The following FNTB variants were observed in gnomAD, a reference collection of about 807,000 sequenced individuals.
The protein encoded by FNTB is protein farnesyltransferase subunit beta.
A neutral mutation model predicts 59.4 loss-of-function variants in FNTB; 27 were observed. That is an observed-to-expected ratio of 0.45 (90% CI 0.34 to 0.63). The LOEUF (loss-of-function observed/expected upper bound fraction) is 0.63, where lower values mean the gene tolerates loss of function less well. FNTB is among the 20% of genes least tolerant of loss of function. The pLI is 0.02. For missense variants in FNTB, 449 were observed against 559.6 expected (o/e 0.80, Z 1.99); for synonymous variants, 230 against 220.7 (o/e 1.04, Z -0.37).
chr14:65,019,066 A>G (rs1353040573), intron 4 of FNTB, among the ~76,000 whole-genome samples: 2 of 152,012 alleles, frequency 1.3e-5, no homozygotes. Context: ...GCTCCTACTC[A>G]GGAGGCTGAG....
intron 4 of FNTB, among the ~76,000 whole-genome samples, chr14:65,017,301 TA>T (rs1266876772): frequency 1.3e-5 from 2 of 152,190 alleles, no homozygotes. Flanking sequence ...ACAATCAGGA[TA>T]TTTGGAAAGT....
Position 64,986,917 on chromosome 14 carries a change from A to T in FNTB, c.-37A>T, listed in dbSNP as rs759307173. The T allele has an allele frequency of 1.9e-6, 3 of 1,613,162 alleles. No homozygotes were observed. The Admixed American group carries it at 5.0e-5, about 27-fold the overall frequency. ...TTCAATGCGCGTTGTTGCTTAACGA[A>T]GCAGAGTCCTACACACTGTCTGCTG... On this transcript the variant is annotated 5_prime_UTR_variant, in exon 1 of 12. The change creates a new upstream start codon in the 5' untranslated region. Coordinates refer to ENST00000246166, the MANE Select transcript of FNTB (RefSeq NM_002028.4).
Position 65,029,341 on chromosome 14 carries a change from G to A in FNTB, c.605+1560G>A, listed in dbSNP as rs2139580029. Among the ~76,000 whole-genome samples, 1 of 152,272 alleles carries A rather than the reference G, an allele frequency of 6.6e-6. No individual in the cohort carries two copies. The highest frequency in any genetic ancestry group is 1.5e-5 in the Non-Finnish European group (1 of 68,030). ...GCCAGTCCTCAGGAGTGCTTGTTTG[G>A]GTGGATTTGACTTGGAGAAAAGCAG... On this transcript the variant is annotated intron_variant, in intron 6 of 11. Transcript: ENST00000246166. The surrounding 1 kb of genome is among the most constrained non-coding windows in gnomAD (Gnocchi z 4.7).
intron 2 of FNTB, chr14:65,006,198 T>C: frequency 6.2e-7 from 1 of 1,613,780 alleles, no homozygotes; most frequent in Non-Finnish European, 8.5e-7. Context: ...AAGAAACTTT[T>C]TCTGATTAGC....
At chr14:65,055,214 C>G (rs1210779334) in intron 11 of FNTB, among the ~76,000 whole-genome samples, 1 of 152,190 alleles carries the variant, frequency 6.6e-6, no homozygotes, top group Non-Finnish European at 1.5e-5. Flanking sequence ...GTCTGCTTTC[C>G]TGAAAAAACA....
rs1326072989 is a variant in FNTB, at chr14:65,012,419, TCAAATTATCCAC to T, written c.282+36_282+47del. Reference sequence around the variant, plus strand: ...ACACATTACCCAGGAACTCTTGCTGTCAAATTATCCACCAAATCCTCCTCCTTTTTCTATTTA... The same window carrying T: ...ACACATTACCCAGGAACTCTTGCTGTCAAATCCTCCTCCTTTTTCTATTTA... On this transcript the variant is annotated intron_variant, in intron 3 of 11. Transcript: ENST00000246166. This position sits in a 1 kb window ranked among gnomAD's most constrained non-coding sequence, Gnocchi z 5.0. The T allele has an allele frequency of 6.2e-7, 1 of 1,613,448 alleles. No individual in the cohort carries two copies. Among genetic ancestry groups the T allele is most frequent in the Non-Finnish European group, 8.5e-7 (1 of 1,179,538 alleles).
chr14:65,061,459 C>A lies in FNTB; in HGVS notation c.*147C>A. 7.5e-7 allele frequency: 1 copy of A among 1,341,308 alleles called. No individual in the cohort carries two copies. The highest frequency in any genetic ancestry group is 9.9e-7 in the Non-Finnish European group (1 of 1,014,422). 83.1% of individuals were successfully genotyped at this position (1,341,308 alleles called of 1,614,324 possible). On this transcript the variant is annotated 3_prime_UTR_variant, in exon 12 of 12. Transcript: ENST00000246166. ...CTTGGTACTTTCTTGTCAAACAAAA[C>A]CAATGGCTCTGGGTTTGGAGAACAC...
chr14:65,023,779 A>G lies in FNTB; in HGVS notation c.375-3674A>G, dbSNP rs1005238702. On this transcript the variant is annotated intron_variant, in intron 4 of 11. Coordinates refer to ENST00000246166, the MANE Select transcript of FNTB (RefSeq NM_002028.4). This position sits in a 1 kb window ranked among gnomAD's most constrained non-coding sequence, Gnocchi z 4.1. The stretch of plus-strand genomic sequence containing the variant: ...AAAATGTGGTCCCCAGACCAGGAGC[A>G]TTGCTATCACCTGGGAACTTATTAG... 2.6e-5 allele frequency among the ~76,000 whole-genome samples: 4 copies of G among 152,190 alleles called. No homozygotes were observed. Among genetic ancestry groups the G allele is most frequent in the Admixed American group, 2.0e-4 (3 of 15,274 alleles).
At chr14:65,021,739 G>A (rs530566471) in intron 4 of FNTB, among the ~76,000 whole-genome samples, 2 of 152,210 alleles carry the variant, frequency 1.3e-5, no homozygotes, top group East Asian at 1.9e-4. Flanking sequence ...TCCACCTTCC[G>A]GGTTCAAGCG....
chr14:65,022,996 A>G (rs192145168), intron 4 of FNTB, among the ~76,000 whole-genome samples: 2 of 152,146 alleles, frequency 1.3e-5, no homozygotes, highest in Admixed American at 6.5e-5. Flanking sequence ...TTTGTATTAT[A>G]TGCTTATTTA....
At chr14:65,021,937 C>T (rs117861584) in intron 4 of FNTB, 45,468 of 456,000 alleles carry the variant, frequency 0.1, 3,207 homozygotes, top group Admixed American at 0.21. Context: ...TGAGCCACTG[C>T]GCCCGGCCTA....
In FNTB at chr14:65,011,029, T is replaced by A. The variant is rs1278238103; in HGVS notation, c.210-1288T>A. Among the ~76,000 whole-genome samples, 1 of 123,838 alleles carries A rather than the reference T, an allele frequency of 8.1e-6. No individual in the cohort carries two copies. 81.2% of individuals were successfully genotyped at this position (123,838 alleles called of 152,430 possible). On this transcript the variant is annotated intron_variant, in intron 2 of 11. Coordinates refer to ENST00000246166, the MANE Select transcript of FNTB (RefSeq NM_002028.4). The surrounding 1 kb of genome is among the most constrained non-coding windows in gnomAD (Gnocchi z 4.0). Reference sequence around the variant, plus strand: ...TTCTTCATGAGATATCCCCTCCCTTTTGAGCCTCAGTAGTATGTTTTTCCC... The same window carrying A: ...TTCTTCATGAGATATCCCCTCCCTTATGAGCCTCAGTAGTATGTTTTTCCC...
At position 64,994,934 on chromosome 14, in the gene FNTB, A is replaced by T. The variant is rs951984363; in HGVS notation, c.144+7837A>T. Among the ~76,000 whole-genome samples, 4 of 152,210 alleles carry T rather than the reference A, an allele frequency of 2.6e-5. No homozygotes were observed. The highest frequency in any genetic ancestry group is 6.5e-5 in the Admixed American group (1 of 15,278). ...ATTATTTACTTCATGAACTTAAAAAATTTTTTTACAGCTTTTTGACCCTTT... is the reference window on the plus strand; with the variant it reads ...ATTATTTACTTCATGAACTTAAAAATTTTTTTTACAGCTTTTTGACCCTTT... On this transcript the variant is annotated intron_variant, in intron 1 of 11. Coordinates refer to ENST00000246166, the MANE Select transcript of FNTB (RefSeq NM_002028.4). The surrounding 1 kb of genome is among the most constrained non-coding windows in gnomAD (Gnocchi z 4.2).
Position 65,009,291 on chromosome 14 carries a change from C to T in FNTB, c.210-3026C>T, listed in dbSNP as rs991168888. ...ACCAAGGTGTCAGCAGGCTTGGTTT[C>T]TCCTGAGGCTGCTGACTGGCTTCAC... On this transcript the variant is annotated intron_variant, in intron 2 of 11. Transcript: ENST00000246166. This position sits in a 1 kb window ranked among gnomAD's most constrained non-coding sequence, Gnocchi z 4.2. Among the ~76,000 whole-genome samples, 2 of 152,118 alleles carry T rather than the reference C, an allele frequency of 1.3e-5. No homozygotes were observed. Among genetic ancestry groups the T allele is most frequent in the Admixed American group, 1.3e-4 (2 of 15,262 alleles).
At chr14:65,051,720 G>T (rs1026139380) in intron 9 of FNTB, among the ~76,000 whole-genome samples, 2 of 150,122 alleles carry the variant, frequency 1.3e-5, no homozygotes, top group Non-Finnish European at 3.0e-5. Flanking sequence ...CTTTTCCCCC[G>T]TTTTTCTTTT....
chr14:65,022,557 A>G (rs1287336986), intron 4 of FNTB, among the ~76,000 whole-genome samples: 1 of 152,032 alleles, frequency 6.6e-6, no homozygotes, highest in African/African-American at 2.4e-5. Flanking sequence ...AATAGAGATA[A>G]GGTCTCGCTG....
chr14:65,022,602 A>C (rs2061909553), intron 4 of FNTB, among the ~76,000 whole-genome samples: 1 of 152,110 alleles, frequency 6.6e-6, no homozygotes, highest in African/African-American at 2.4e-5. Context: ...CTTGGCCTTA[A>C]GTGATCCTCC....
intron 9 of FNTB, among the ~76,000 whole-genome samples, chr14:65,051,198 C>T (rs2062600654): frequency 6.6e-6 from 1 of 152,242 alleles, no homozygotes; most frequent in African/African-American, 2.4e-5. Flanking sequence ...GCTTTTGTCC[C>T]TGGCCTCTAA....
At chr14:64,992,864 G>T (rs1888254244) in intron 1 of FNTB, among the ~76,000 whole-genome samples, 2 of 151,924 alleles carry the variant, frequency 1.3e-5, no homozygotes, top group South Asian at 4.2e-4. Context: ...TTAAAGACAG[G>T]GTCTCACTCT....
Sources: gnomAD v4.1 joint callset for allele counts (sites outside exome capture counted in the v4.1 genomes callset) on GRCh38, gnomAD v4.1.1 for gene constraint, Gnocchi (gnomAD v3.1) non-coding constraint, MANE v1.5 for transcripts, NCBI Gene and HGNC (gene_info 2026-07-23, HGNC 2026-07-21) for gene names.